MYCBP2: variants seen among roughly 807,000 people sequenced by gnomAD.
MYCBP2 encodes the protein MYC binding protein 2, also known as E3 ubiquitin-protein ligase MYCBP2.
In MYCBP2, 120 loss-of-function variants were observed where a neutral mutation model predicts 525.3. That is an observed-to-expected ratio of 0.23 (90% CI 0.20 to 0.27). The LOEUF (loss-of-function observed/expected upper bound fraction) is 0.27, where lower values mean the gene tolerates loss of function less well. Ranked by LOEUF, MYCBP2 falls within the 10% of genes least tolerant of loss-of-function variation. The probability of loss-of-function intolerance (pLI) is 1.00; values close to 1 mark genes in which losing one functional copy is unlikely to be tolerated. For missense variants in MYCBP2, 4,149 were observed against 5,657.1 expected (o/e 0.73, Z 8.55); for synonymous variants, 1,894 against 1,955.8 (o/e 0.97, Z 0.83).
At chr13:77,095,664 A>T in intron 57 of MYCBP2, 62 bp from the exon 58 acceptor site, 2 of 1,548,064 alleles carry the variant, frequency 1.3e-6, no homozygotes, top group Non-Finnish European at 1.7e-6. Flanking sequence ...TAGTTTCTTA[A>T]GCTAAGTATT....
rs187762017 is a variant in MYCBP2 at position 77,166,223 on chromosome 13, T to A, written c.6340+106A>T. The A allele has an allele frequency of 3.3e-4, 279 of 856,732 alleles. 1 individual carries two copies. The highest frequency in any genetic ancestry group is 3.2e-3 in the Middle Eastern group (9 of 2,820). 53.1% of individuals were successfully genotyped at this position (856,732 alleles called of 1,614,324 possible). A position where few individuals can be genotyped will look rare whatever the true frequency, so the allele number is the denominator to read the frequency against. ...ATCCAGATACATAGTAGGTCTTTAA[T>A]AAATTTCTCTAAAAATTAGATAAAC... On this transcript the variant is annotated intron_variant, in intron 41 of 82. Transcript: ENST00000544440.
chr13:77,247,655 C>T (rs180975153), intron 15 of MYCBP2, among the ~76,000 whole-genome samples: 521 of 152,254 alleles, frequency 3.4e-3, no homozygotes, highest in Non-Finnish European at 6.0e-3. Context: ...TCGGTTTTGA[C>T]TTCAAAACTT....
At chr13:77,108,617 C>T (rs1176420227) in intron 55 of MYCBP2, among the ~76,000 whole-genome samples, 1 of 152,108 alleles carries the variant, frequency 6.6e-6, no homozygotes, top group Non-Finnish European at 1.5e-5. Flanking sequence ...CCAGAAGTGA[C>T]ATCCTGAGAA....
chr13:77,080,130 C>T (rs1594324009), intron 65 of MYCBP2, among the ~76,000 whole-genome samples: 1 of 152,124 alleles, frequency 6.6e-6, no homozygotes, highest in East Asian at 1.9e-4. Flanking sequence ...GTAGTTACAC[C>T]AGTGGAAATT....
chr13:77,114,825 T>C (rs939826556), intron 55 of MYCBP2, among the ~76,000 whole-genome samples: 5 of 152,042 alleles, frequency 3.3e-5, no homozygotes, highest in Non-Finnish European at 5.9e-5. Flanking sequence ...TCTTCAGTTT[T>C]ATTTGCCATT....
intron 7 of MYCBP2, 69 bp from the exon 8 acceptor site, chr13:77,268,006 G>T: frequency 1.1e-6 from 1 of 926,740 alleles, no homozygotes; most frequent in Non-Finnish European, 1.7e-6. Flanking sequence ...CAGCCATACA[G>T]CTCCATATTA....
At chr13:77,199,660 G>T (rs1402173507) in intron 26 of MYCBP2, among the ~76,000 whole-genome samples, 1 of 152,184 alleles carries the variant, frequency 6.6e-6, no homozygotes, top group Non-Finnish European at 1.5e-5. Flanking sequence ...GCTTTGAAGA[G>T]AGCAGTGGTT....
rs182850368 is a variant in MYCBP2, at chr13:77,248,659, T to C, written c.2381+2492A>G. Among the ~76,000 whole-genome samples, 15 of 152,282 alleles carry C rather than the reference T, an allele frequency of 9.9e-5. No homozygotes were observed. The East Asian group carries it at 2.3e-3, about 24-fold the overall frequency. ...GAGAAACTGGAACATCTGTACACTA[T>C]TGGTGGGAATGTAAAATGGTTGGCC... On this transcript the variant is annotated intron_variant, in intron 15 of 82. Transcript: ENST00000544440.
Position 77,157,964 on chromosome 13 carries a change from G to A in MYCBP2, c.6743C>T (p.Pro2248Leu). Residue 2248 changes from proline (P) to leucine (L), a missense_variant, in exon 45 of 83, where the codon CCA (proline) becomes CTA (leucine). By Grantham distance (98) the Pro-to-Leu change is moderately conservative. Coordinates refer to ENST00000544440, the MANE Select transcript of MYCBP2 (RefSeq NM_015057.5). ...SFLDDFIACVPGSSGGRLARW... is the reference protein window; with the variant it reads ...SFLDDFIACVLGSSGGRLARW... Reference sequence around the variant, plus strand: ...TGCAAGCCTTCCACCACTTGATCCTGGGACACAGGCAATAAAATCATCCAG... The same window carrying A: ...TGCAAGCCTTCCACCACTTGATCCTAGGACACAGGCAATAAAATCATCCAG... 6.2e-7 allele frequency: 1 copy of A among 1,612,776 alleles called. No homozygotes were observed. Among genetic ancestry groups the A allele is most frequent in the East Asian group, 2.2e-5 (1 of 44,808 alleles).
chr13:77,178,647 T>G (rs1303615059), intron 34 of MYCBP2, among the ~76,000 whole-genome samples: 1 of 152,206 alleles, frequency 6.6e-6, no homozygotes, highest in East Asian at 1.9e-4. Flanking sequence ...CTAATCTAAC[T>G]TGGCTACAGA....
intron 2 of MYCBP2, 43 bp downstream of exon 2, chr13:77,296,556 A>T: frequency 1.3e-6 from 2 of 1,533,016 alleles, no homozygotes; most frequent in Non-Finnish European, 1.7e-6. Context: ...TCAAATCACC[A>T]TATGAAAAAG....
intron 67 of MYCBP2, 146 bp from the exon 68 acceptor site, chr13:77,076,995 A>G (rs2042429108): frequency 8.7e-7 from 1 of 1,152,530 alleles, no homozygotes; most frequent in African/African-American, 1.6e-5. Flanking sequence ...CAAATGCAAC[A>G]TGGAACTCAG....
At chr13:77,064,520 CTT>C in intron 73 of MYCBP2, 93 bp downstream of exon 73, 2 of 1,307,898 alleles carry the variant, frequency 1.5e-6, no homozygotes, top group Non-Finnish European at 2.1e-6. Flanking sequence ...ATTATGTTGA[CTT>C]AGTGATTAAA....
At chr13:77,217,331 T>C (rs1402349071) in intron 21 of MYCBP2, among the ~76,000 whole-genome samples, 1 of 152,190 alleles carries the variant, frequency 6.6e-6, no homozygotes, top group Non-Finnish European at 1.5e-5. Context: ...TTTCACTCTT[T>C]AAGCTTTGGT....
Position 77,268,020 on chromosome 13 carries a change from G to A in MYCBP2, c.1261-83C>T. The A allele has an allele frequency of 6.6e-6, 5 of 758,908 alleles. No individual in the cohort carries two copies. In the South Asian group the frequency reaches 8.1e-5, roughly 12 times the overall value. The allele number at this position is 758,908 out of a possible 1,614,324, so 47.0% of individuals were successfully genotyped here. On this transcript the variant is annotated intron_variant, in intron 7 of 82. Coordinates refer to ENST00000544440, the MANE Select transcript of MYCBP2 (RefSeq NM_015057.5). ...GCAGCCATACAGCTCCATATTACAG[G>A]TTTTTGAGGTACAATAATACATCAA... is the stretch of plus-strand genomic sequence containing the variant.
Position 77,140,150 on chromosome 13 carries a change from A to G in MYCBP2, c.7415T>C (p.Val2472Ala), listed in dbSNP as rs1276750159. The G allele has an allele frequency of 1.3e-6, 2 of 1,598,682 alleles. No individual in the cohort carries two copies. Among genetic ancestry groups the G allele is most frequent in the Non-Finnish European group, 1.7e-6 (2 of 1,175,456 alleles). ...EPQPNKVRKF[V>A]AKDSAGLRIR... Reference sequence around the variant, plus strand: ...GCGAAGCCCCGCACTGTCCTTGGCCACAAATTTTCGAACCTGAGAAAGGCA... The same window carrying G: ...GCGAAGCCCCGCACTGTCCTTGGCCGCAAATTTTCGAACCTGAGAAAGGCA... Residue 2472 changes from valine to alanine, a missense_variant, in exon 51 of 83, where the codon GTG becomes GCG. This residue lies in a region of MYCBP2 where 692 missense variants were observed against 852.7 expected (regional missense o/e 0.81). Transcript: ENST00000544440.
Position 77,087,551 on chromosome 13 carries a change from G to A in MYCBP2, c.10808C>T (p.Pro3603Leu). ...ILWHFVASLT[P>L]APVEPEEEED... ...TTCTTCCTCTGGTTCCACTGGTGCAGGAGTCAGTGATGCCACAAAATGCCA... is the reference window on the plus strand; with the variant it reads ...TTCTTCCTCTGGTTCCACTGGTGCAAGAGTCAGTGATGCCACAAAATGCCA... Residue 3603 changes from proline to leucine, a missense_variant, in exon 62 of 83, where the codon CCT (proline) becomes CTT (leucine). By Grantham distance (98) the Pro-to-Leu change is moderately conservative. This residue lies in a region of MYCBP2 where 509 missense variants were observed against 789.4 expected (regional missense o/e 0.64). Transcript: ENST00000544440. 9 of 1,613,078 alleles carry A rather than the reference G, an allele frequency of 5.6e-6. No homozygotes were observed. The highest frequency in any genetic ancestry group is 7.6e-6 in the Non-Finnish European group (9 of 1,179,480).
At chr13:77,055,839 T>G in intron 79 of MYCBP2, 72 bp from the exon 80 acceptor site, 1 of 1,044,734 alleles carries the variant, frequency 9.6e-7, no homozygotes, top group Non-Finnish European at 1.4e-6. Flanking sequence ...AGCATGCACC[T>G]AAGTGCCAAG....
chr13:77,225,277 A>G (rs767261012), intron 19 of MYCBP2, among the ~76,000 whole-genome samples, 158 bp downstream of exon 19: 4 of 152,226 alleles, frequency 2.6e-5, no homozygotes, highest in Non-Finnish European at 4.4e-5. Context: ...TTGTTTAAAG[A>G]GATTCTGTAA....
Sources: gnomAD v4.1 joint callset for allele counts (sites outside exome capture counted in the v4.1 genomes callset) on GRCh38, gnomAD v4.1.1 for gene constraint, gnomAD v4.1.1 regional missense constraint, MANE v1.5 for transcripts, NCBI Gene and HGNC (gene_info 2026-07-23, HGNC 2026-07-21) for gene names.